Variants in PDZRN4 observed in about 807,000 individuals in gnomAD.
PDZRN4 encodes the protein PDZ domain containing ring finger 4.
PDZRN4 carries 70 observed loss-of-function variants against 99.0 expected under a neutral mutation model. The ratio of observed to expected loss-of-function variants is 0.71; its 90% confidence interval spans 0.58 to 0.86. PDZRN4 has a LOEUF of 0.86. Among genes scored for constraint, PDZRN4 ranks in the 40% least tolerant of loss-of-function variants. The pLI, the probability that PDZRN4 is intolerant of heterozygous loss-of-function variation, is 0.00. For synonymous variants in PDZRN4, 551 were observed against 501.6 expected (o/e 1.10, Z -1.32); for missense variants, 1,474 against 1,331.2 (o/e 1.11, Z -1.67).
At chr12:41,226,614 A>G (rs146263272) in intron 3 of PDZRN4, among the ~76,000 whole-genome samples, 41 of 152,276 alleles carry the variant, frequency 2.7e-4, no homozygotes, top group African/African-American at 9.9e-4. Flanking sequence ...AGTCAAGCAC[A>G]GATCCTCCCG....
At chr12:41,436,193 A>G (rs1952627743) in intron 3 of PDZRN4, among the ~76,000 whole-genome samples, 1 of 152,214 alleles carries the variant, frequency 6.6e-6, no homozygotes, top group Admixed American at 6.5e-5. Context: ...CCCAATTATG[A>G]TGCCACTTTC....
chr12:41,291,758 T>C (rs1367658004), intron 3 of PDZRN4, among the ~76,000 whole-genome samples: 1 of 152,126 alleles, frequency 6.6e-6, no homozygotes, highest in Non-Finnish European at 1.5e-5. Context: ...TAAGACAGCT[T>C]TGGAAACACC....
At chr12:41,362,175 C>A (rs1317723126) in intron 3 of PDZRN4, among the ~76,000 whole-genome samples, 1 of 151,990 alleles carries the variant, frequency 6.6e-6, no homozygotes, top group Non-Finnish European at 1.5e-5. Flanking sequence ...TCATGTCGCA[C>A]CATCGTCCTA....
At chr12:41,525,432 A>G (rs530765990) in intron 5 of PDZRN4, among the ~76,000 whole-genome samples, 20 of 152,202 alleles carry the variant, frequency 1.3e-4, no homozygotes, top group African/African-American at 4.8e-4. Context: ...ACTTCATAGG[A>G]TTATATGAGA....
chr12:41,448,431 A>T (rs1339689185), intron 3 of PDZRN4, among the ~76,000 whole-genome samples: 2 of 152,092 alleles, frequency 1.3e-5, no homozygotes, highest in Admixed American at 1.3e-4. Flanking sequence ...TCCAGGACAG[A>T]GTCAGTTCAT....
intron 3 of PDZRN4, among the ~76,000 whole-genome samples, chr12:41,394,437 A>C (rs1358788880): frequency 6.6e-6 from 1 of 152,196 alleles, no homozygotes; most frequent in African/African-American, 2.4e-5. Flanking sequence ...CCTTCTAATT[A>C]CAGTGCATTA....
chr12:41,189,144 G>C, intron 1 of PDZRN4, 41 bp downstream of exon 1: 1 of 1,551,844 alleles, frequency 6.4e-7, no homozygotes, highest in Non-Finnish European at 8.7e-7. Context: ...TGGTCGATTG[G>C]GGTGGGAAAA....
At chr12:41,275,195 C>T (rs1472559762) in intron 3 of PDZRN4, among the ~76,000 whole-genome samples, 1 of 152,076 alleles carries the variant, frequency 6.6e-6, no homozygotes. Context: ...CTGTGTGGCT[C>T]ATTTCCTCAT....
intron 3 of PDZRN4, among the ~76,000 whole-genome samples, chr12:41,214,452 T>TAAAAAAAAAAAAAAAAAAA (rs1555216889): frequency 1.9e-5 from 1 of 53,082 alleles, no homozygotes; most frequent in African/African-American, 6.6e-5. Context: ...AAAAAAAAAG[T>TAAAAAAAAAAAAAAAAAAA]TATCTATTTG....
At chr12:41,445,490 C>T (rs1358089109) in intron 3 of PDZRN4, among the ~76,000 whole-genome samples, 1 of 151,960 alleles carries the variant, frequency 6.6e-6, no homozygotes, top group African/African-American at 2.4e-5. Flanking sequence ...AATCACTGTC[C>T]AGTACATTCA....
chr12:41,224,474 T>C (rs939157687), intron 3 of PDZRN4, among the ~76,000 whole-genome samples: 7 of 152,186 alleles, frequency 4.6e-5, no homozygotes, highest in Admixed American at 2.6e-4. Context: ...ACTTTTCCTG[T>C]GCATGACACT....
chr12:41,572,253 T>C, intron 9 of PDZRN4, 111 bp from the exon 10 acceptor site: 4 of 825,198 alleles, frequency 4.8e-6, no homozygotes, highest in Non-Finnish European at 7.5e-6. Flanking sequence ...AGAGCAACTG[T>C]CTAGGAGATG....
chr12:41,546,436 G>A (rs989422192), intron 5 of PDZRN4, among the ~76,000 whole-genome samples: 5 of 152,098 alleles, frequency 3.3e-5, no homozygotes, highest in Admixed American at 3.3e-4. Context: ...ATTTTGAACT[G>A]GGAATATTCA....
At chr12:41,320,682 G>T (rs891353504) in intron 3 of PDZRN4, among the ~76,000 whole-genome samples, 3 of 148,596 alleles carry the variant, frequency 2.0e-5, no homozygotes, top group Admixed American at 1.4e-4. Flanking sequence ...GACTCAGTAC[G>T]GTTTTAAAAG....
chr12:41,367,114 C>T (rs1319477469), intron 3 of PDZRN4, among the ~76,000 whole-genome samples: 1 of 152,082 alleles, frequency 6.6e-6, no homozygotes, highest in East Asian at 1.9e-4. Context: ...ATGTGCAACA[C>T]CTTTGTGCCT....
At chr12:41,514,829 C>T (rs944068510) in intron 5 of PDZRN4, among the ~76,000 whole-genome samples, 10 of 151,964 alleles carry the variant, frequency 6.6e-5, no homozygotes, top group Non-Finnish European at 1.5e-4. Flanking sequence ...AATCCTAATG[C>T]CATTTTTGTC....
intron 3 of PDZRN4, among the ~76,000 whole-genome samples, chr12:41,233,536 C>T (rs1403353423): frequency 6.6e-6 from 1 of 152,114 alleles, no homozygotes; most frequent in Non-Finnish European, 1.5e-5. Context: ...TTGGAACCAA[C>T]CTAAATGTCC....
intron 3 of PDZRN4, among the ~76,000 whole-genome samples, chr12:41,265,461 C>A (rs1951269588): frequency 6.6e-6 from 1 of 152,130 alleles, no homozygotes; most frequent in Non-Finnish European, 1.5e-5. Flanking sequence ...CTATGTGACA[C>A]CAGAAACACA....
At chr12:41,295,242 T>C (rs1357802233) in intron 3 of PDZRN4, among the ~76,000 whole-genome samples, 1 of 151,828 alleles carries the variant, frequency 6.6e-6, no homozygotes, top group Non-Finnish European at 1.5e-5. Context: ...CAAACCATCA[T>C]GAAAATTAAA....
Sources: gnomAD v4.1 joint callset for allele counts (sites outside exome capture counted in the v4.1 genomes callset) on GRCh38, gnomAD v4.1.1 for gene constraint, MANE v1.5 for transcripts, NCBI Gene and HGNC (gene_info 2026-07-23, HGNC 2026-07-21) for gene names.